The following COL13A1 variants were observed in gnomAD, a reference collection of about 807,000 sequenced individuals.
COL13A1 encodes collagen type XIII alpha 1 chain.
COL13A1 carries 89 observed loss-of-function variants against 130.9 expected under a neutral mutation model. The observed-to-expected ratio is 0.68, with a 90% confidence interval of 0.57 to 0.81. The LOEUF (loss-of-function observed/expected upper bound fraction) is 0.81. COL13A1 is among the 30% of genes least tolerant of loss of function. The pLI is 0.00. For synonymous variants in COL13A1, 402 were observed against 341.6 expected (o/e 1.18, Z -1.95); for missense variants, 879 against 934.6 (o/e 0.94, Z 0.78).
chr10:69,837,678 G>A (rs988410554), intron 2 of COL13A1, among the ~76,000 whole-genome samples: 2 of 152,242 alleles, frequency 1.3e-5, no homozygotes, highest in African/African-American at 4.8e-5. Context: ...TCCCTGGGGA[G>A]CTGGAAGTGG....
intron 2 of COL13A1, among the ~76,000 whole-genome samples, chr10:69,832,207 T>C (rs1395809788): frequency 3.9e-5 from 6 of 152,198 alleles, no homozygotes; most frequent in Admixed American, 6.5e-5. Context: ...GCCCTTCCAA[T>C]GCTATGAAAA....
At position 69,929,889 on chromosome 10, in the gene COL13A1, T is replaced by G. The variant is rs2763339; in HGVS notation, c.1486-154T>G. ...AGTCCTGTCTGTAGAAGAGAGGCAA[T>G]GCAAATTCATACCTCCCAGCAACAC... is the stretch of plus-strand genomic sequence containing the variant. On this transcript the variant is annotated intron_variant, in intron 28 of 40. Transcript: ENST00000645393. 0.68 allele frequency among the ~76,000 whole-genome samples: 103,384 copies of G among 152,158 alleles called. 35,390 individuals carry two copies. Among genetic ancestry groups the G allele is most frequent in the African/African-American group, 0.76 (31,374 of 41,536 alleles).
intron 1 of COL13A1, among the ~76,000 whole-genome samples, chr10:69,820,047 T>C (rs1845659427): frequency 6.6e-6 from 1 of 152,214 alleles, no homozygotes; most frequent in African/African-American, 2.4e-5. Flanking sequence ...TTTTCTTACC[T>C]TCCTCTGGGT....
Position 69,930,218 on chromosome 10 carries a change from G to T in COL13A1, c.1530+131G>T, listed in dbSNP as rs533719536. ...GGCAAGGGAAGGGGAGATGGGGGGG[G>T]GCAGGGAGAGGGGCCCACCCTGCAA... On this transcript the variant is annotated intron_variant, in intron 29 of 40. Transcript: ENST00000645393. 508 of 1,072,190 alleles carry T rather than the reference G, an allele frequency of 4.7e-4. 4 individuals carry two copies. The African/African-American group carries it at 7.3e-3, about 15-fold the overall frequency. The allele number at this position is 1,072,190 out of a possible 1,614,324, so 66.4% of individuals were successfully genotyped here.
intron 21 of COL13A1, 41 bp downstream of exon 21, chr10:69,919,768 G>T: frequency 2.5e-6 from 1 of 398,678 alleles, no homozygotes; most frequent in Non-Finnish European, 4.4e-6. Context: ...CTTCATCCTA[G>T]CCTCACCATT....
At chr10:69,861,247 C>G (rs754149710) in intron 2 of COL13A1, among the ~76,000 whole-genome samples, 5 of 152,294 alleles carry the variant, frequency 3.3e-5, no homozygotes, top group Non-Finnish European at 7.4e-5. Context: ...CGCCAGGCTG[C>G]CAGGTGTGAA....
At chr10:69,836,656 C>T (rs1850152849) in intron 2 of COL13A1, among the ~76,000 whole-genome samples, 1 of 152,172 alleles carries the variant, frequency 6.6e-6, no homozygotes, top group Non-Finnish European at 1.5e-5. Context: ...GGAATGTCTC[C>T]AGTAGGCAAG....
chr10:69,879,932 G>C (rs1163154891), intron 6 of COL13A1, among the ~76,000 whole-genome samples: 2 of 152,182 alleles, frequency 1.3e-5, no homozygotes, highest in Non-Finnish European at 2.9e-5. Context: ...AGTTCACACA[G>C]CACGCATGTT....
In COL13A1 at chr10:69,887,440, GT is replaced by G. The variant is rs35268667; in HGVS notation, c.514-4del. 163,423 of 1,446,954 alleles carry G rather than the reference GT, an allele frequency of 0.11. 2,580 individuals are homozygous for G. Among genetic ancestry groups the G allele is most frequent in the Middle Eastern group, 0.19 (1,075 of 5,548 alleles). 89.6% of individuals were successfully genotyped at this position (1,446,954 alleles called of 1,614,324 possible). A position where few individuals can be genotyped will look rare whatever the true frequency, so the allele number is the denominator to read the frequency against. ...CCTTGCTCAATCTCATGTGTCTCTT[GT>G]TTTTTTTTTTTCAGGGTCAACCAGG... is the stretch of plus-strand genomic sequence containing the variant. On this transcript the variant is annotated splice_polypyrimidine_tract_variant and intron_variant, in intron 7 of 40. Transcript: ENST00000645393.
chr10:69,916,690 C>T (rs1460182528), intron 17 of COL13A1, among the ~76,000 whole-genome samples: 1 of 152,190 alleles, frequency 6.6e-6, no homozygotes, highest in African/African-American at 2.4e-5. Flanking sequence ...GGTGACCCTA[C>T]CTGTGCCTCT....
chr10:69,934,857 T>C (rs2066621559), intron 31 of COL13A1, among the ~76,000 whole-genome samples: 1 of 152,122 alleles, frequency 6.6e-6, no homozygotes, highest in Non-Finnish European at 1.5e-5. Flanking sequence ...AATCTCTGCT[T>C]CTCTAAGCCA....
Position 69,922,742 on chromosome 10 carries a change from G to A in COL13A1, c.1178G>A (p.Gly393Glu). 1.2e-6 allele frequency: 2 copies of A among 1,606,938 alleles called. No individual in the cohort carries two copies. Among genetic ancestry groups the A allele is most frequent in the South Asian group, 1.1e-5 (1 of 89,068 alleles). Residue 393 changes from glycine (G) to glutamate (E), a missense_variant, in exon 23 of 41, where the codon GGA becomes GAA. Physicochemically the swap from Gly to Glu is moderately conservative, Grantham distance 98. Transcript: ENST00000645393. ...GGCGATGCTGGCAACTCCATTGGAG[G>A]AGGCAGAGGGGAACCTGGCCCTCCA... ...EKGDAGNSIG[G>E]GRGEPGPPGL...
intron 17 of COL13A1, among the ~76,000 whole-genome samples, 176 bp downstream of exon 17, chr10:69,905,998 G>A (rs908156881): frequency 6.6e-6 from 1 of 152,226 alleles, no homozygotes; most frequent in Non-Finnish European, 1.5e-5. Flanking sequence ...CAAATTACTG[G>A]GATCCACCTA....
intron 36 of COL13A1, among the ~76,000 whole-genome samples, chr10:69,944,428 G>T (rs542736753): frequency 7.2e-5 from 11 of 152,230 alleles, no homozygotes; most frequent in Middle Eastern, 3.4e-3. Flanking sequence ...GGCCAGGTTG[G>T]GAGGATCACT....
At chr10:69,838,448 C>T (rs575029830) in intron 2 of COL13A1, among the ~76,000 whole-genome samples, 12 of 152,238 alleles carry the variant, frequency 7.9e-5, no homozygotes, top group Non-Finnish European at 1.3e-4. Flanking sequence ...CAACCTCTAC[C>T]TCCATGCTGT....
intron 2 of COL13A1, among the ~76,000 whole-genome samples, chr10:69,835,101 C>T (rs1589330976): frequency 6.6e-6 from 1 of 152,198 alleles, no homozygotes; most frequent in East Asian, 1.9e-4. Flanking sequence ...CCAGGACTCA[C>T]AATCCTGCCC....
At chr10:69,917,256 C>G in intron 17 of COL13A1, 33 bp from the exon 18 acceptor site, 1 of 1,613,030 alleles carries the variant, frequency 6.2e-7, no homozygotes, top group Non-Finnish European at 8.5e-7. Flanking sequence ...CGAGTCTGGT[C>G]CTCTCCTCAT....
rs369255993 is a variant in COL13A1, at chr10:69,872,240, G to A, written c.399+30G>A. 8 of 1,613,376 alleles carry A rather than the reference G, an allele frequency of 5.0e-6. No homozygotes were observed. The African/African-American group carries it at 9.3e-5, about 19-fold the overall frequency. ...GTCACTTTTGTTTCTTCTTTCCTTT[G>A]CATCTCTTTTACGTGCTTTTCTCAG... On this transcript the variant is annotated intron_variant, in intron 4 of 40. Coordinates refer to ENST00000645393, the MANE Select transcript of COL13A1 (RefSeq NM_001368882.1).
intron 1 of COL13A1, among the ~76,000 whole-genome samples, chr10:69,810,836 A>T (rs956257134): frequency 2.0e-5 from 3 of 152,230 alleles, no homozygotes; most frequent in Admixed American, 2.0e-4. Context: ...TCCCAGCCAC[A>T]GCCCTGGGTG....
Sources: allele counts gnomAD v4.1 joint callset (sites outside exome capture counted in the v4.1 genomes callset), GRCh38; gene constraint gnomAD v4.1.1; transcripts MANE v1.5; gene names NCBI Gene and HGNC (gene_info 2026-07-23, HGNC 2026-07-21).